SPOCK3: variants seen among roughly 807,000 people sequenced by gnomAD.
SPOCK3 encodes the protein testican-3.
Under a neutral mutation model 56.6 loss-of-function variants are expected in SPOCK3, and 30 were observed. The observed-to-expected ratio is 0.53, with a 90% CI of 0.40 to 0.72. SPOCK3 has a LOEUF of 0.72. Among genes scored for constraint, SPOCK3 ranks in the 30% least tolerant of loss-of-function variants. SPOCK3 has a pLI of 0.00. For synonymous variants in SPOCK3, 196 were observed against 183.3 expected, an observed-to-expected ratio of 1.07 and a Z score of -0.56; for missense variants, 527 against 530.0, an observed-to-expected ratio of 0.99 and a Z score of 0.06.
At chr4:166,844,665 TAGATAA>T (rs1194872340) in intron 6 of SPOCK3, among the ~76,000 whole-genome samples, 2 of 150,600 alleles carry the variant, frequency 1.3e-5, no homozygotes, top group East Asian at 1.9e-4. Flanking sequence ...GATATATGTA[TAGATAA>T]AGATAGATAG....
At chr4:166,925,456 G>A (rs1260279692) in intron 4 of SPOCK3, among the ~76,000 whole-genome samples, 3 of 152,044 alleles carry the variant, frequency 2.0e-5, no homozygotes, top group East Asian at 3.8e-4. Context: ...CTAGTTTAAC[G>A]TGTGTGTAAA....
intron 4 of SPOCK3, among the ~76,000 whole-genome samples, chr4:166,981,601 C>T (rs948228169): frequency 1.1e-4 from 16 of 152,134 alleles, no homozygotes; most frequent in Admixed American, 3.9e-4. Context: ...TGGGAGTCCA[C>T]GGGCAGGCCT....
intron 6 of SPOCK3, among the ~76,000 whole-genome samples, chr4:166,805,283 G>C (rs1298312424): frequency 6.6e-6 from 1 of 151,992 alleles, no homozygotes; most frequent in East Asian, 1.9e-4. Context: ...CTTTTTAAAA[G>C]AAACTTTCCT....
intron 8 of SPOCK3, chr4:166,754,190 A>C (rs1279469445): frequency 1.9e-6 from 2 of 1,044,798 alleles, no homozygotes; most frequent in Non-Finnish European, 2.3e-6. Context: ...CAGATAGCAA[A>C]TTAATTTTAA....
chr4:166,838,776 C>T (rs1746907952), intron 6 of SPOCK3, among the ~76,000 whole-genome samples: 1 of 142,158 alleles, frequency 7.0e-6, no homozygotes, highest in African/African-American at 2.6e-5. Flanking sequence ...CAGTGAAACC[C>T]CACCTCTAAT....
intron 2 of SPOCK3, among the ~76,000 whole-genome samples, chr4:167,068,037 T>C (rs1005441279): frequency 6.6e-6 from 1 of 151,744 alleles, no homozygotes; most frequent in African/African-American, 2.4e-5. Context: ...CACATAACAA[T>C]TGGCTCCAAT....
intron 3 of SPOCK3, among the ~76,000 whole-genome samples, chr4:167,014,758 C>G (rs768588744): frequency 6.6e-6 from 1 of 151,810 alleles, no homozygotes; most frequent in Non-Finnish European, 1.5e-5. Context: ...CACATGCATA[C>G]ACACACTCAC....
chr4:166,905,354 C>G (rs1044297610), intron 5 of SPOCK3, among the ~76,000 whole-genome samples: 1 of 151,806 alleles, frequency 6.6e-6, no homozygotes, highest in African/African-American at 2.4e-5. Flanking sequence ...TACAAGATCT[C>G]TAAGATATAA....
chr4:166,987,893 C>T (rs988166468), intron 4 of SPOCK3, among the ~76,000 whole-genome samples: 2 of 152,008 alleles, frequency 1.3e-5, no homozygotes, highest in Non-Finnish European at 2.9e-5. Context: ...CTGCAAAGAG[C>T]AGCATAATTG....
Position 166,737,455 on chromosome 4 carries a change from C to G in SPOCK3, c.1132+12G>C. On this transcript the variant is annotated intron_variant, in intron 10 of 10. Coordinates refer to ENST00000357545, the MANE Select transcript of SPOCK3 (RefSeq NM_001040159.2). ...CTTAGAAAATTATGAAATAAGTAAC[C>G]CTTCTCCTTACCACAATCTGCAACA... 3 of 1,608,020 alleles carry G rather than the reference C, an allele frequency of 1.9e-6. No homozygotes were observed. The highest frequency in any genetic ancestry group is 2.5e-6 in the Non-Finnish European group (3 of 1,177,488).
intron 5 of SPOCK3, among the ~76,000 whole-genome samples, chr4:166,904,428 G>T (rs978716349): frequency 1.3e-5 from 2 of 151,974 alleles, no homozygotes; most frequent in African/African-American, 4.8e-5. Flanking sequence ...TGAGTTGGGT[G>T]CCTCTGACAA....
intron 2 of SPOCK3, among the ~76,000 whole-genome samples, chr4:167,233,316 T>A (rs1424332351): frequency 6.6e-6 from 1 of 152,156 alleles, no homozygotes; most frequent in Admixed American, 6.5e-5. Flanking sequence ...TTTATCGCTG[T>A]CACCTGCAAT....
intron 2 of SPOCK3, among the ~76,000 whole-genome samples, chr4:167,200,494 A>T (rs1256924023): frequency 6.6e-6 from 1 of 152,072 alleles, no homozygotes; most frequent in East Asian, 1.9e-4. Context: ...GATACACCAT[A>T]AAGTGCTCTC....
At chr4:167,153,434 C>T (rs1458650464) in intron 2 of SPOCK3, among the ~76,000 whole-genome samples, 1 of 152,090 alleles carries the variant, frequency 6.6e-6, no homozygotes, top group African/African-American at 2.4e-5. Flanking sequence ...GGATTGCTGT[C>T]CCATATGTGA....
At chr4:167,015,478 A>C (rs1035782359) in intron 3 of SPOCK3, among the ~76,000 whole-genome samples, 5 of 152,168 alleles carry the variant, frequency 3.3e-5, no homozygotes, top group African/African-American at 1.2e-4. Context: ...AATGTTTTTC[A>C]AATAATTTCT....
At chr4:166,738,767 A>G (rs182703336) in intron 9 of SPOCK3, among the ~76,000 whole-genome samples, 7,593 of 151,132 alleles carry the variant, frequency 0.05, 215 homozygotes, top group Non-Finnish European at 0.055. Flanking sequence ...ATGATTTCCA[A>G]TTTCATCCAT....
intron 2 of SPOCK3, among the ~76,000 whole-genome samples, chr4:167,132,499 AT>A (rs1762783564): frequency 6.6e-6 from 1 of 152,192 alleles, no homozygotes; most frequent in African/African-American, 2.4e-5. Context: ...AAAGTTATTT[AT>A]TTTAATCTCC....
At chr4:167,097,406 T>C (rs892717265) in intron 2 of SPOCK3, among the ~76,000 whole-genome samples, 1 of 151,844 alleles carries the variant, frequency 6.6e-6, no homozygotes, top group African/African-American at 2.4e-5. Flanking sequence ...TAGGCTTCTG[T>C]TAATACTGCT....
chr4:166,938,976 C>T (rs1379890463), intron 4 of SPOCK3, among the ~76,000 whole-genome samples: 3 of 151,804 alleles, frequency 2.0e-5, no homozygotes. Flanking sequence ...CACACACACA[C>T]ACACAGATTC....
Sources: gnomAD v4.1 joint callset for allele counts (sites outside exome capture counted in the v4.1 genomes callset) on GRCh38, gnomAD v4.1.1 for gene constraint, MANE v1.5 for transcripts, NCBI Gene and HGNC (gene_info 2026-07-23, HGNC 2026-07-21) for gene names.